Variants in TMEM266 observed in about 807,000 individuals in gnomAD.
TMEM266 encodes transmembrane protein 266, also known as Hv1 related protein 1.
In TMEM266, 33 loss-of-function variants were observed where a neutral mutation model predicts 50.5. The ratio of observed to expected loss-of-function variants is 0.65; its 90% CI spans 0.50 to 0.87. The LOEUF (loss-of-function observed/expected upper bound fraction) is 0.87. Ranked by LOEUF, TMEM266 falls within the 40% of genes least tolerant of loss-of-function variation. TMEM266 has a pLI of 0.00. For missense variants in TMEM266, 655 were observed against 695.1 expected, an observed-to-expected ratio of 0.94 and a Z score of 0.65; for synonymous variants, 310 against 292.3, an observed-to-expected ratio of 1.06 and a Z score of -0.62.
At chr15:76,085,182 A>G (rs566924141) in intron 1 of TMEM266, among the ~76,000 whole-genome samples, 1 of 150,926 alleles carries the variant, frequency 6.6e-6, no homozygotes, top group South Asian at 2.1e-4. Flanking sequence ...CACGGTCTCT[A>G]TCTCCTGACC....
At position 76,203,925 on chromosome 15, in the gene TMEM266, C is replaced by T; in HGVS notation, c.1206C>T (p.Ser402=). The T allele has an allele frequency of 6.2e-7, 1 of 1,614,076 alleles. No homozygotes were observed. Among genetic ancestry groups the T allele is most frequent in the South Asian group, 1.1e-5 (1 of 91,076 alleles). Reference sequence around the variant, plus strand: ...TCACCCGGGCCCAGAGTGACAGCAGCCAGACGCTGGGCTCCTCCATGGACT... The same window carrying T: ...TCACCCGGGCCCAGAGTGACAGCAGTCAGACGCTGGGCTCCTCCATGGACT... The change falls in exon 11 of 11, where the codon AGC becomes AGT. Residue 402 remains serine (S), a synonymous_variant. Transcript: ENST00000388942.
intron 1 of TMEM266, among the ~76,000 whole-genome samples, chr15:76,097,861 A>G (rs2036944823): frequency 6.6e-6 from 1 of 151,828 alleles, no homozygotes. Flanking sequence ...TTGATCTTCA[A>G]TCACTGGTAT....
chr15:76,174,276 C>G (rs1156899775), intron 7 of TMEM266, among the ~76,000 whole-genome samples: 1 of 152,114 alleles, frequency 6.6e-6, no homozygotes, highest in Non-Finnish European at 1.5e-5. Context: ...TTCAGCCAGG[C>G]ATGGTAGCTC....
intron 1 of TMEM266, among the ~76,000 whole-genome samples, chr15:76,101,526 G>T (rs2036999599): frequency 6.6e-6 from 1 of 152,168 alleles, no homozygotes; most frequent in African/African-American, 2.4e-5. Context: ...TGACACATTG[G>T]GAGACTTTGG....
chr15:76,159,052 G>A (rs979831358), intron 4 of TMEM266, among the ~76,000 whole-genome samples: 4 of 152,166 alleles, frequency 2.6e-5, no homozygotes, highest in African/African-American at 4.8e-5. Flanking sequence ...TGCCAAGCAG[G>A]CCTGGCTGCA....
intron 3 of TMEM266, among the ~76,000 whole-genome samples, chr15:76,148,711 G>A (rs1482638888): frequency 4.8e-5 from 3 of 62,924 alleles, no homozygotes; most frequent in Non-Finnish European, 8.1e-5. Flanking sequence ...GTGTATGGCA[G>A]TTTGTCCACC....
At chr15:76,126,319 A>G (rs904279703) in intron 1 of TMEM266, among the ~76,000 whole-genome samples, 1 of 149,936 alleles carries the variant, frequency 6.7e-6, no homozygotes, top group Non-Finnish European at 1.5e-5. Flanking sequence ...GAAGCAACCT[A>G]AGTGTCCATC....
chr15:76,179,952 TAAAACAAAACAAAAC>T (rs60596277), intron 8 of TMEM266, among the ~76,000 whole-genome samples: 6 of 152,072 alleles, frequency 3.9e-5, no homozygotes, highest in Non-Finnish European at 5.9e-5. Flanking sequence ...AGACTGTCTC[TAAAACAAAACAAAAC>T]AAAACAAAAC....
At chr15:76,115,377 G>A (rs778718082) in intron 1 of TMEM266, among the ~76,000 whole-genome samples, 22 of 152,290 alleles carry the variant, frequency 1.4e-4, no homozygotes, top group South Asian at 4.1e-4. Flanking sequence ...CAGGACTTAG[G>A]TTCATTTTCA....
chr15:76,171,475 C>T (rs1008227193), intron 7 of TMEM266, among the ~76,000 whole-genome samples: 1 of 152,164 alleles, frequency 6.6e-6, no homozygotes, highest in Non-Finnish European at 1.5e-5. Flanking sequence ...ACACCCTGGG[C>T]GTCTCGATGC....
At chr15:76,186,004 C>T (rs979933799) in intron 8 of TMEM266, among the ~76,000 whole-genome samples, 2 of 152,188 alleles carry the variant, frequency 1.3e-5, no homozygotes, top group African/African-American at 2.4e-5. Context: ...GCCTCCAGCC[C>T]CTGCTTTTCC....
intron 1 of TMEM266, among the ~76,000 whole-genome samples, chr15:76,131,926 C>T (rs1318300267): frequency 6.6e-6 from 1 of 152,174 alleles, no homozygotes; most frequent in African/African-American, 2.4e-5. Context: ...CCTTAAGTTT[C>T]TTTAACTTGA....
Position 76,204,439 on chromosome 15 carries a change from C to T in TMEM266, c.*124C>T, listed in dbSNP as rs2038804782. ...CCACCTGGCCTCCCTCAGGGTGCTG[C>T]CTGCCTCCAGGGAGGCGACGCCAGG... On this transcript the variant is annotated 3_prime_UTR_variant, in exon 11 of 11. Transcript: ENST00000388942. 1 of 947,250 alleles carries T rather than the reference C, an allele frequency of 1.1e-6. No individual in the cohort carries two copies. Among genetic ancestry groups the T allele is most frequent in the East Asian group, 2.6e-5 (1 of 38,634 alleles). The allele number at this position is 947,250 out of a possible 1,614,324, so 58.7% of individuals were successfully genotyped here. A position where few individuals can be genotyped will look rare whatever the true frequency, so the allele number is the denominator to read the frequency against.
At chr15:76,155,958 G>A (rs1289532764) in intron 3 of TMEM266, among the ~76,000 whole-genome samples, 1 of 152,198 alleles carries the variant, frequency 6.6e-6, no homozygotes. Context: ...TTGTTTCCAC[G>A]CTGCACTTGC....
chr15:76,164,483 C>T (rs2038063346), intron 5 of TMEM266, among the ~76,000 whole-genome samples: 1 of 152,046 alleles, frequency 6.6e-6, no homozygotes, highest in Non-Finnish European at 1.5e-5. Flanking sequence ...GCTGGGATTA[C>T]AGGCAAGAGC....
At chr15:76,195,471 CCTT>C (rs1462681961) in intron 9 of TMEM266, among the ~76,000 whole-genome samples, 2 of 152,254 alleles carry the variant, frequency 1.3e-5, no homozygotes, top group Admixed American at 6.5e-5. Flanking sequence ...GTGGAATCCA[CCTT>C]CTTATTCTTT....
chr15:76,188,837 A>G (rs1298652853), intron 8 of TMEM266, among the ~76,000 whole-genome samples: 6 of 152,178 alleles, frequency 3.9e-5, no homozygotes, highest in East Asian at 1.9e-4. Flanking sequence ...CCAAACCCCA[A>G]TGGAATGATA....
chr15:76,068,095 C>T (rs571758347), intron 1 of TMEM266, among the ~76,000 whole-genome samples: 1 of 152,304 alleles, frequency 6.6e-6, no homozygotes, highest in East Asian at 1.9e-4. Flanking sequence ...ATTTAAAACC[C>T]ACCTCCAATT....
At chr15:76,149,324 T>A (rs372329958) in intron 3 of TMEM266, among the ~76,000 whole-genome samples, 1 of 152,150 alleles carries the variant, frequency 6.6e-6, no homozygotes, top group Non-Finnish European at 1.5e-5. Context: ...TAGGAACACA[T>A]TGGATCATCA....
Sources: allele counts gnomAD v4.1 joint callset (sites outside exome capture counted in the v4.1 genomes callset), GRCh38; gene constraint gnomAD v4.1.1; transcripts MANE v1.5; gene names NCBI Gene and HGNC (gene_info 2026-07-23, HGNC 2026-07-21).